SOS2: variants seen among roughly 807,000 people sequenced by gnomAD.
SOS2 encodes SOS Ras/Rho guanine nucleotide exchange factor 2.
In SOS2, 65 loss-of-function variants were observed where a neutral mutation model predicts 148.2. The observed-to-expected ratio is 0.44, with a 90% CI of 0.36 to 0.54. The LOEUF (loss-of-function observed/expected upper bound fraction) is 0.54, where lower values mean the gene tolerates loss of function less well. Among genes scored for constraint, SOS2 ranks in the 20% least tolerant of loss-of-function variants. The pLI, the probability that SOS2 is intolerant of heterozygous loss-of-function variation, is 0.00. For synonymous variants in SOS2, 539 were observed against 537.1 expected, an observed-to-expected ratio of 1.00 and a Z score of -0.05; for missense variants, 1,341 against 1,590.2, an observed-to-expected ratio of 0.84 and a Z score of 2.67.
rs1188151400 is a variant in SOS2 at position 50,159,517 on chromosome 14, T to C, written c.1766A>G (p.Asn589Ser). 1.2e-6 allele frequency: 2 copies of C among 1,613,280 alleles called. No individual in the cohort carries two copies. The highest frequency in any genetic ancestry group is 1.1e-5 in the South Asian group (1 of 91,078). ...GGGGATGCCACTTCTACTTTGCAAG[T>C]TGTCTTCAAAAACAATGTTTTCCTC... ...DSEENIVFED[N>S]LQSRSGIPII... The change falls in exon 10 of 23, where the codon AAC (asparagine) becomes AGC (serine). Residue 589 changes from asparagine to serine, a missense_variant. Asn to Ser is a conservative substitution (Grantham distance 46, BLOSUM62 1). Transcript: ENST00000216373.
At chr14:50,133,128 A>G (rs1883942747) in intron 19 of SOS2, among the ~76,000 whole-genome samples, 1 of 152,028 alleles carries the variant, frequency 6.6e-6, no homozygotes. Context: ...AGTGTCCTGA[A>G]CTTGAGGAAG....
chr14:50,195,527 TGAGGC>T (rs1271275544), intron 4 of SOS2, among the ~76,000 whole-genome samples: 21 of 152,194 alleles, frequency 1.4e-4, no homozygotes, highest in African/African-American at 4.6e-4. Flanking sequence ...CTTGGGAGGT[TGAGGC>T]AAGAAAATCA....
chr14:50,220,226 C>T (rs984909360), intron 1 of SOS2, among the ~76,000 whole-genome samples: 7 of 150,146 alleles, frequency 4.7e-5, no homozygotes, highest in African/African-American at 7.4e-5. Flanking sequence ...TGGTGAAACC[C>T]CATCTCTACT....
intron 4 of SOS2, among the ~76,000 whole-genome samples, chr14:50,189,097 A>ACACACG (rs1285116657): frequency 1.3e-5 from 2 of 150,570 alleles, no homozygotes; most frequent in Non-Finnish European, 3.0e-5. Context: ...ACACACACAC[A>ACACACG]CACACGCACA....
At chr14:50,189,305 T>TACACACAC (rs141100073) in intron 4 of SOS2, among the ~76,000 whole-genome samples, 3 of 68,686 alleles carry the variant, frequency 4.4e-5, no homozygotes, top group South Asian at 1.0e-3. Flanking sequence ...TATACTGTAA[T>TACACACAC]ACACACACAC....
At chr14:50,220,420 A>AAAAAAAAAAAAAAAAAAAAAAAAC (rs1887170648) in intron 1 of SOS2, among the ~76,000 whole-genome samples, 1 of 149,060 alleles carries the variant, frequency 6.7e-6, no homozygotes, top group Non-Finnish European at 1.5e-5. Flanking sequence ...AAAAAAAAAA[A>AAAAAAAAAAAAAAAAAAAAAAAAC]AAGAACAGAC....
intron 8 of SOS2, among the ~76,000 whole-genome samples, chr14:50,163,970 G>A (rs1353416383): frequency 6.6e-6 from 1 of 152,208 alleles, no homozygotes; most frequent in Non-Finnish European, 1.5e-5. Flanking sequence ...GATATTTAGA[G>A]TGGGATTTCC....
chr14:50,170,966 T>C (rs922529509), intron 8 of SOS2, among the ~76,000 whole-genome samples: 1 of 151,420 alleles, frequency 6.6e-6, no homozygotes, highest in African/African-American at 2.4e-5. Flanking sequence ...TACAAAAAAT[T>C]AGCTGGGTGT....
intron 1 of SOS2, among the ~76,000 whole-genome samples, chr14:50,209,274 C>CGTGTGTGT (rs140994310): frequency 0.014 from 1,651 of 118,338 alleles, 72 homozygotes; most frequent in Middle Eastern, 0.05. Flanking sequence ...CCTTAAATGT[C>CGTGTGTGT]GTGTGTGTGT....
chr14:50,185,146 C>T (rs1272959823), intron 5 of SOS2, among the ~76,000 whole-genome samples: 2 of 152,174 alleles, frequency 1.3e-5, no homozygotes, highest in Non-Finnish European at 2.9e-5. Context: ...GTCATGGGAA[C>T]TCCAATTTAT....
At position 50,159,775 on chromosome 14, in the gene SOS2, T is replaced by A. The variant is rs763932554; in HGVS notation, c.1508A>T (p.Glu503Val). Reference protein sequence around the residue: ...VMRKIQICDKEDTCEHKHAFE... With the variant: ...VMRKIQICDKVDTCEHKHAFE... ...TGCATGCTTGTGCTCACAAGTATCT[T>A]CTTTATCACAAATTTGTATTTTCCT... is the stretch of plus-strand genomic sequence containing the variant. Residue 503 changes from glutamate to valine, a missense_variant, in exon 10 of 23, where the codon GAA becomes GTA. Around this residue, in one of 4 missense-constraint regions of SOS2, gnomAD observed 574 missense variants for 711.1 expected, o/e 0.81. Coordinates refer to ENST00000216373, the MANE Select transcript of SOS2 (RefSeq NM_006939.4). The A allele has an allele frequency of 3.7e-6, 6 of 1,613,936 alleles. No individual in the cohort carries two copies. Among genetic ancestry groups the A allele is most frequent in the Admixed American group, 1.7e-5 (1 of 60,012 alleles).
chr14:50,136,740 C>T (rs1884093813), intron 18 of SOS2, among the ~76,000 whole-genome samples: 1 of 152,078 alleles, frequency 6.6e-6, no homozygotes, highest in Non-Finnish European at 1.5e-5. Context: ...CAAGCACGTG[C>T]CACCACACCC....
At chr14:50,227,075 G>A (rs928328079) in intron 1 of SOS2, among the ~76,000 whole-genome samples, 4 of 152,106 alleles carry the variant, frequency 2.6e-5, no homozygotes, top group African/African-American at 9.7e-5. Flanking sequence ...TCCATTAGTA[G>A]TGTCATTTCA....
chr14:50,181,562 T>C (rs1195978057), intron 6 of SOS2, among the ~76,000 whole-genome samples: 1 of 151,940 alleles, frequency 6.6e-6, no homozygotes, highest in East Asian at 1.9e-4. Flanking sequence ...TAATAGATAG[T>C]TAAAATATGT....
intron 13 of SOS2, 106 bp downstream of exon 13, chr14:50,152,964 C>CA (rs10707547): frequency 0.011 from 5,084 of 465,960 alleles, no homozygotes; most frequent in East Asian, 0.022. Context: ...AGCTCTGTTT[C>CA]AAAAAAAAAA....
At chr14:50,209,868 T>C (rs1445518926) in intron 1 of SOS2, among the ~76,000 whole-genome samples, 1 of 152,054 alleles carries the variant, frequency 6.6e-6, no homozygotes, top group Non-Finnish European at 1.5e-5. Flanking sequence ...TAAGAAAAAT[T>C]AAAGAGCTAA....
At chr14:50,222,211 T>C (rs954873502) in intron 1 of SOS2, among the ~76,000 whole-genome samples, 1 of 152,226 alleles carries the variant, frequency 6.6e-6, no homozygotes, top group Non-Finnish European at 1.5e-5. Flanking sequence ...TGAAATTACA[T>C]CTACTGCAAC....
At position 50,118,257 on chromosome 14, in the gene SOS2, A is replaced by G; in HGVS notation, c.*87T>C. 1.8e-6 allele frequency: 2 copies of G among 1,112,752 alleles called. No individual in the cohort carries two copies. Among genetic ancestry groups the G allele is most frequent in the Non-Finnish European group, 2.6e-6 (2 of 777,796 alleles). 68.9% of individuals were successfully genotyped at this position (1,112,752 alleles called of 1,614,324 possible). A position where few individuals can be genotyped will look rare whatever the true frequency, so the allele number is the denominator to read the frequency against. On this transcript the variant is annotated 3_prime_UTR_variant, in exon 23 of 23. Transcript: ENST00000216373. ...TGTAAGAGCATTATTTGTAAAAAGT[A>G]CTAAAATACTATGTCTTTTTTTGAA...
chr14:50,218,886 G>A (rs138769014), intron 1 of SOS2, among the ~76,000 whole-genome samples: 3,153 of 152,108 alleles, frequency 0.021, 74 homozygotes, highest in Non-Finnish European at 0.026. Flanking sequence ...AGGCCGAGAC[G>A]AGTGGATCAT....
Sources: allele counts gnomAD v4.1 joint callset (sites outside exome capture counted in the v4.1 genomes callset), GRCh38; gene constraint gnomAD v4.1.1; regional missense constraint gnomAD v4.1.1; transcripts MANE v1.5; gene names NCBI Gene and HGNC (gene_info 2026-07-23, HGNC 2026-07-21).